UNC13B: variants seen among roughly 807,000 people sequenced by gnomAD.
UNC13B encodes the protein protein unc-13 homolog B.
UNC13B carries 144 observed loss-of-function variants against 211.0 expected under a neutral mutation model. The ratio of observed to expected loss-of-function variants is 0.68; its 90% CI spans 0.60 to 0.78. The LOEUF is 0.78. Among genes scored for constraint, UNC13B ranks in the 30% least tolerant of loss-of-function variants. UNC13B has a pLI of 0.00. For synonymous variants in UNC13B, 709 were observed against 725.8 expected (o/e 0.98, Z 0.37); for missense variants, 1,777 against 2,002.0 (o/e 0.89, Z 2.14).
At chr9:35,342,377 A>G in intron 11 of UNC13B, 1 of 985,566 alleles carries the variant, frequency 1.0e-6, no homozygotes, top group Non-Finnish European at 1.2e-6. Flanking sequence ...GACTGACTGA[A>G]CAACAAGCAG....
At position 35,306,629 on chromosome 9, in the gene UNC13B, C is replaced by T. The variant is rs1204220571; in HGVS notation, c.7225C>T (p.Pro2409Ser). 5 of 398,856 alleles carry T rather than the reference C, an allele frequency of 1.3e-5. No homozygotes were observed. Among genetic ancestry groups the T allele is most frequent in the Non-Finnish European group, 2.2e-5 (5 of 226,076 alleles). 24.7% of individuals were successfully genotyped at this position (398,856 alleles called of 1,614,324 possible). A position where few individuals can be genotyped will look rare whatever the true frequency, so the allele number is the denominator to read the frequency against. Residue 2409 changes from proline to serine, a missense_variant, in exon 9 of 40, where the codon CCA (proline) becomes TCA (serine). Physicochemically the swap from Pro to Ser is moderately conservative, Grantham distance 74. Transcript: ENST00000635942. ...ATTTACTACTGACCCAGTGAACTTG[C>T]CATTAGAAAAGGCCCCCGATGAGGT... ...EKFTTDPVNL[P>S]LEKAPDEVLP...
At position 35,305,356 on chromosome 9, in the gene UNC13B, C is replaced by T; in HGVS notation, c.5952C>T (p.Thr1984=). ...CTGGTGTTTCAAATTTTTGGGGTAC[C>T]CTTGGGGATTTCTTTAAAGCCAATG... The part of the protein sequence containing the change: ...ESSGVSNFWG[T]LGDFFKANVS... The change falls in exon 9 of 40, where the codon ACC becomes ACT. Residue 1984 remains threonine (T), a synonymous_variant. Coordinates refer to ENST00000635942, the MANE Select transcript of UNC13B (RefSeq NM_001371189.2). 2.5e-6 allele frequency: 1 copy of T among 398,754 alleles called. No homozygotes were observed. Among genetic ancestry groups the T allele is most frequent in the Non-Finnish European group, 4.4e-6 (1 of 225,972 alleles). 24.7% of individuals were successfully genotyped at this position (398,754 alleles called of 1,614,324 possible). A position where few individuals can be genotyped will look rare whatever the true frequency, so the allele number is the denominator to read the frequency against.
In UNC13B at chr9:35,399,450, T is replaced by A; in HGVS notation, c.12255+2T>A. 1 of 1,614,024 alleles carries A rather than the reference T, an allele frequency of 6.2e-7. No individual in the cohort carries two copies. The highest frequency in any genetic ancestry group is 2.2e-5 in the East Asian group (1 of 44,872). On this transcript the variant is annotated splice_donor_variant, in intron 35 of 39. Coordinates refer to ENST00000635942, the MANE Select transcript of UNC13B (RefSeq NM_001371189.2). LOFTEE classifies it high-confidence loss of function. ...CTGAGCCATCTTTCCAAACTCAAGG[T>A]ACTCTGGGTGTGGGGTCCTCCTGGC...
At chr9:35,204,675 C>G (rs1403431219) in intron 1 of UNC13B, among the ~76,000 whole-genome samples, 1 of 152,162 alleles carries the variant, frequency 6.6e-6, no homozygotes, top group Non-Finnish European at 1.5e-5. Context: ...TTCTTTTGCC[C>G]AATTTCTCCT....
chr9:35,314,285 G>A (rs113507201), intron 11 of UNC13B, among the ~76,000 whole-genome samples: 3 of 152,174 alleles, frequency 2.0e-5, no homozygotes, highest in African/African-American at 7.2e-5. Context: ...CGAGTTTAGG[G>A]CAAGAAATGA....
chr9:35,264,672 A>G (rs1275188156), intron 7 of UNC13B, among the ~76,000 whole-genome samples: 1 of 152,204 alleles, frequency 6.6e-6, no homozygotes, highest in Non-Finnish European at 1.5e-5. Flanking sequence ...TGCCCCCCTC[A>G]CCACAGACCT....
chr9:35,330,434 G>C (rs1831303831), intron 11 of UNC13B, among the ~76,000 whole-genome samples: 1 of 152,176 alleles, frequency 6.6e-6, no homozygotes, highest in African/African-American at 2.4e-5. Context: ...CAATGCCATA[G>C]GATTTCAGGC....
intron 11 of UNC13B, among the ~76,000 whole-genome samples, chr9:35,347,710 G>A (rs955547102): frequency 2.6e-5 from 4 of 152,180 alleles, no homozygotes; most frequent in African/African-American, 7.2e-5. Context: ...ATGGAAGGAA[G>A]CATCTTTGTT....
At position 35,239,940 on chromosome 9, in the gene UNC13B, T is replaced by C. The variant is rs376508702; in HGVS notation, c.394+2114T>C. Among the ~76,000 whole-genome samples, 105 of 152,280 alleles carry C rather than the reference T, an allele frequency of 6.9e-4. 2 individuals are homozygous for C. Among genetic ancestry groups the C allele is most frequent in the South Asian group, 4.1e-4 (2 of 4,820 alleles). Reference sequence around the variant, plus strand: ...CCAGATTTCATATTATTTAAACAATTTGTGCAGTTAACACAATCCTCACAG... The same window carrying C: ...CCAGATTTCATATTATTTAAACAATCTGTGCAGTTAACACAATCCTCACAG... On this transcript the variant is annotated intron_variant, in intron 5 of 39. Coordinates refer to ENST00000635942, the MANE Select transcript of UNC13B (RefSeq NM_001371189.2).
intron 13 of UNC13B, among the ~76,000 whole-genome samples, chr9:35,371,254 A>G (rs549535337): frequency 6.6e-6 from 1 of 151,998 alleles, no homozygotes; most frequent in Non-Finnish European, 1.5e-5. Flanking sequence ...GACCGAATGA[A>G]AGTATCATCT....
chr9:35,233,628 C>T (rs2131515481), intron 3 of UNC13B, among the ~76,000 whole-genome samples: 1 of 152,188 alleles, frequency 6.6e-6, no homozygotes, highest in South Asian at 2.1e-4. Context: ...TTTTCCTTCT[C>T]CATGATGTAT....
At chr9:35,299,522 A>C (rs1222630437) in intron 8 of UNC13B, among the ~76,000 whole-genome samples, 1 of 152,154 alleles carries the variant, frequency 6.6e-6, no homozygotes, top group East Asian at 1.9e-4. Flanking sequence ...TTGGTACAAC[A>C]TGTTTCATTT....
intron 31 of UNC13B, 91 bp from the exon 32 acceptor site, chr9:35,398,463 G>T: frequency 7.0e-7 from 1 of 1,423,570 alleles, no homozygotes; most frequent in Non-Finnish European, 9.9e-7. Flanking sequence ...ATAGGCACTG[G>T]GGTAAGCCCT....
In UNC13B at chr9:35,382,432, C is replaced by G. The variant is rs776948128; in HGVS notation, c.10731C>G (p.Ile3577Met). ...TGATGAGCACCTTACTGGCCAACATCAACGCCTACTATGCCCACACAACTG... is the reference window on the plus strand; with the variant it reads ...TGATGAGCACCTTACTGGCCAACATGAACGCCTACTATGCCCACACAACTG... Reference protein sequence around the residue: ...PAVMSTLLANINAYYAHTTAS... With the variant: ...PAVMSTLLANMNAYYAHTTAS... The change falls in exon 21 of 40, where the codon ATC becomes ATG. Residue 3577 changes from isoleucine (I) to methionine (M), a missense_variant. Transcript: ENST00000635942. 13 of 1,614,074 alleles carry G rather than the reference C, an allele frequency of 8.1e-6. No individual in the cohort carries two copies. The highest frequency in any genetic ancestry group is 1.0e-5 in the Non-Finnish European group (12 of 1,180,040).
At chr9:35,236,662 A>G in intron 4 of UNC13B, 76 bp downstream of exon 4, 6 of 1,298,794 alleles carry the variant, frequency 4.6e-6, no homozygotes, top group Non-Finnish European at 6.6e-6. Context: ...CACTTTAGCT[A>G]ATATTCATCC....
intron 7 of UNC13B, among the ~76,000 whole-genome samples, chr9:35,284,031 C>G (rs779506854): frequency 3.3e-5 from 5 of 151,914 alleles, no homozygotes; most frequent in African/African-American, 1.2e-4. Flanking sequence ...AGGCTGAGGC[C>G]GGGGGATCAC....
chr9:35,168,390 C>A (rs1178774106), intron 1 of UNC13B, among the ~76,000 whole-genome samples: 4 of 152,106 alleles, frequency 2.6e-5, no homozygotes, highest in Non-Finnish European at 2.9e-5. Context: ...TCAGTCCTTA[C>A]CCTCCTCCCA....
chr9:35,286,473 T>A (rs1017281376), intron 7 of UNC13B, among the ~76,000 whole-genome samples: 2 of 151,976 alleles, frequency 1.3e-5, no homozygotes, highest in Non-Finnish European at 2.9e-5. Flanking sequence ...CCTCAAATGA[T>A]CCACCCACCT....
intron 6 of UNC13B, among the ~76,000 whole-genome samples, chr9:35,252,780 A>G (rs1328330019): frequency 2.0e-5 from 3 of 152,012 alleles, no homozygotes; most frequent in Non-Finnish European, 2.9e-5. Flanking sequence ...AATACAAAAA[A>G]TTAGCCGGGC....
Sources: allele counts gnomAD v4.1 joint callset (sites outside exome capture counted in the v4.1 genomes callset), GRCh38; gene constraint gnomAD v4.1.1; transcripts MANE v1.5; gene names NCBI Gene and HGNC (gene_info 2026-07-23, HGNC 2026-07-21).